Variants in GRM7 observed in about 807,000 individuals in gnomAD.
GRM7 encodes metabotropic glutamate receptor 7.
GRM7 carries 35 observed loss-of-function variants against 84.5 expected under a neutral mutation model. The ratio of observed to expected loss-of-function variants is 0.41; its 90% CI spans 0.32 to 0.55. The LOEUF (loss-of-function observed/expected upper bound fraction) is 0.55, where lower values mean the gene tolerates loss of function less well. GRM7 is among the 20% of genes least tolerant of loss of function. The pLI, the probability that GRM7 is intolerant of heterozygous loss-of-function variation, is 0.19. For synonymous variants in GRM7, 487 were observed against 455.1 expected (o/e 1.07, Z -0.89); for missense variants, 1,003 against 1,194.6 (o/e 0.84, Z 2.36).
chr3:6,964,049 C>T (rs192885948), intron 1 of GRM7, among the ~76,000 whole-genome samples: 11 of 152,292 alleles, frequency 7.2e-5, no homozygotes, highest in African/African-American at 2.6e-4. Context: ...ATCCACCACC[C>T]CTATTTCCTT....
chr3:7,578,465 C>T lies in GRM7; in HGVS notation c.1559C>T (p.Ala520Val). 6.2e-7 allele frequency: 1 copy of T among 1,613,618 alleles called. No individual in the cohort carries two copies. Residue 520 changes from alanine (A) to valine (V), a missense_variant, in exon 8 of 10, where the codon GCC becomes GTC. Ala to Val is a moderately conservative substitution (Grantham distance 64, BLOSUM62 0). This residue lies in a region of GRM7 where 910 missense variants were observed against 1,126.0 expected (regional missense o/e 0.81). Coordinates refer to ENST00000357716, the MANE Select transcript of GRM7 (RefSeq NM_000844.4). The part of the protein sequence containing the change: ...QWGKGVREIP[A>V]SVCTLPCKPG... ...GGTAAAGGAGTCCGAGAGATACCCG[C>T]CTCAGTGTGCACACTACCATGTAAG...
At chr3:7,608,190 T>C (rs1419381961) in intron 8 of GRM7, 1 of 154,256 alleles carries the variant, frequency 6.5e-6, no homozygotes, top group Admixed American at 6.4e-5. Context: ...CTGCAATGAA[T>C]ATTCACGTAC....
At chr3:7,076,167 A>G (rs1018977561) in intron 1 of GRM7, among the ~76,000 whole-genome samples, 1 of 152,176 alleles carries the variant, frequency 6.6e-6, no homozygotes, top group African/African-American at 2.4e-5. Context: ...TCACTGTAAT[A>G]TACATTAAGA....
intron 8 of GRM7, among the ~76,000 whole-genome samples, chr3:7,623,603 C>A (rs929832154): frequency 1.3e-5 from 2 of 151,998 alleles, no homozygotes; most frequent in African/African-American, 4.8e-5. Flanking sequence ...CTCAACCTGC[C>A]CACTTGGCTG....
intron 5 of GRM7, among the ~76,000 whole-genome samples, chr3:7,422,212 G>A (rs1696425301): frequency 6.6e-6 from 1 of 152,104 alleles, no homozygotes; most frequent in Non-Finnish European, 1.5e-5. Context: ...GGCATTATGG[G>A]TCAGGCTGTT....
intron 7 of GRM7, among the ~76,000 whole-genome samples, chr3:7,540,076 T>C (rs187369975): frequency 1.4e-4 from 21 of 152,360 alleles, no homozygotes; most frequent in African/African-American, 3.8e-4. Flanking sequence ...AAAGACAGAC[T>C]ATAACAAGTA....
At chr3:6,883,055 A>C (rs1409018285) in intron 1 of GRM7, among the ~76,000 whole-genome samples, 1 of 151,098 alleles carries the variant, frequency 6.6e-6, no homozygotes, top group Non-Finnish European at 1.5e-5. Flanking sequence ...GTAGATTCTC[A>C]CACTCTCTAC....
chr3:7,535,933 G>T (rs143373791), intron 7 of GRM7, among the ~76,000 whole-genome samples: 1 of 152,174 alleles, frequency 6.6e-6, no homozygotes, highest in Non-Finnish European at 1.5e-5. Flanking sequence ...CTGCATCTGC[G>T]TAAGGTGGGA....
intron 1 of GRM7, among the ~76,000 whole-genome samples, chr3:6,983,319 T>C (rs1559366664): frequency 6.6e-6 from 1 of 152,132 alleles, no homozygotes; most frequent in Non-Finnish European, 1.5e-5. Context: ...ATAGTTCATA[T>C]GCAAGAAAAA....
At chr3:7,352,879 T>C (rs1693223943) in intron 4 of GRM7, among the ~76,000 whole-genome samples, 1 of 152,072 alleles carries the variant, frequency 6.6e-6, no homozygotes, top group South Asian at 2.1e-4. Context: ...TGTCCTAACT[T>C]ACAGGATCCC....
chr3:7,333,881 A>G (rs1347201719), intron 4 of GRM7, among the ~76,000 whole-genome samples: 1 of 152,084 alleles, frequency 6.6e-6, no homozygotes, highest in East Asian at 1.9e-4. Context: ...GCTCGAAGAC[A>G]AGGCTTTTGA....
intron 7 of GRM7, among the ~76,000 whole-genome samples, chr3:7,485,371 A>G (rs1699282192): frequency 6.6e-6 from 1 of 152,186 alleles, no homozygotes; most frequent in African/African-American, 2.4e-5. Context: ...CAACTCACCT[A>G]CTGAAAGTAC....
intron 5 of GRM7, among the ~76,000 whole-genome samples, chr3:7,429,092 C>G (rs1414617019): frequency 6.6e-6 from 1 of 152,158 alleles, no homozygotes; most frequent in East Asian, 1.9e-4. Flanking sequence ...ATTTCAATTC[C>G]TGCCTCATTA....
chr3:6,960,392 C>A (rs73808494), intron 1 of GRM7, among the ~76,000 whole-genome samples: 1 of 151,998 alleles, frequency 6.6e-6, no homozygotes, highest in Non-Finnish European at 1.5e-5. Context: ...ATCACCAACC[C>A]CCAACCCAAT....
chr3:7,214,470 T>C (rs7634493), intron 2 of GRM7, among the ~76,000 whole-genome samples: 2,456 of 152,322 alleles, frequency 0.016, 65 homozygotes, highest in African/African-American at 0.056. Flanking sequence ...TAGCATCTTA[T>C]TGTGGATTTC....
chr3:6,970,767 C>T (rs1296069598), intron 1 of GRM7, among the ~76,000 whole-genome samples: 1 of 152,150 alleles, frequency 6.6e-6, no homozygotes, highest in Non-Finnish European at 1.5e-5. Flanking sequence ...ATCACGAGGT[C>T]AGGAGATCGA....
chr3:7,103,749 C>CTTTT (rs1699188194), intron 1 of GRM7, among the ~76,000 whole-genome samples: 1 of 96,662 alleles, frequency 1.0e-5, no homozygotes, highest in Non-Finnish European at 2.0e-5. Context: ...TCTCTCTCTC[C>CTTTT]CTTTCTTTCT....
intron 9 of GRM7, among the ~76,000 whole-genome samples, chr3:7,696,945 C>A (rs1701044405): frequency 6.6e-6 from 1 of 152,082 alleles, no homozygotes; most frequent in Non-Finnish European, 1.5e-5. Flanking sequence ...GATATTTAAT[C>A]CCAGTTCCAG....
At chr3:7,437,218 A>AT (rs1697094826) in intron 5 of GRM7, among the ~76,000 whole-genome samples, 1 of 152,292 alleles carries the variant, frequency 6.6e-6, no homozygotes, top group Non-Finnish European at 1.5e-5. Flanking sequence ...AGTGCAGTCT[A>AT]TTTCATAGTG....
Sources: allele counts gnomAD v4.1 joint callset (sites outside exome capture counted in the v4.1 genomes callset), GRCh38; gene constraint gnomAD v4.1.1; regional missense constraint gnomAD v4.1.1; transcripts MANE v1.5; gene names NCBI Gene and HGNC (gene_info 2026-07-23, HGNC 2026-07-21).